Variants in LCP2 observed in about 807,000 individuals in gnomAD.
LCP2 encodes the protein 76 kDa tyrosine phosphoprotein.
A neutral mutation model predicts 74.5 loss-of-function variants in LCP2; 29 were observed. The ratio of observed to expected loss-of-function variants is 0.39; its 90% confidence interval spans 0.29 to 0.53. The LOEUF (loss-of-function observed/expected upper bound fraction) is 0.53, where lower values mean the gene tolerates loss of function less well. Ranked by LOEUF, LCP2 falls within the 20% of genes least tolerant of loss-of-function variation. The pLI is 0.72. For missense variants in LCP2, 604 were observed against 634.6 expected (o/e 0.95, Z 0.52); for synonymous variants, 228 against 229.5 (o/e 0.99, Z 0.06).
rs199766370 is a variant in LCP2 at position 170,258,034 on chromosome 5, A to G, written c.1100+3T>C. ...GCTAGAATTTCATGACAGAGCTACA[A>G]ACCTTTCTGAGAATGCTCCAGGCAT... On this transcript the variant is annotated splice_donor_region_variant and intron_variant, in intron 16 of 20. Transcript: ENST00000046794. The G allele has an allele frequency of 4.1e-4, 668 of 1,613,906 alleles. 4 individuals carry two copies. The highest frequency in any genetic ancestry group is 3.8e-3 in the South Asian group (345 of 91,074).
chr5:170,257,388 T>C (rs781518637), intron 16 of LCP2, among the ~76,000 whole-genome samples: 64 of 152,086 alleles, frequency 4.2e-4, no homozygotes, highest in Non-Finnish European at 2.4e-4. Context: ...ATGAGTCTTG[T>C]GGGTGGTTGA....
At chr5:170,253,310 T>C (rs2113152471) in intron 17 of LCP2, 97 bp from the exon 18 acceptor site, 1 of 753,866 alleles carries the variant, frequency 1.3e-6, no homozygotes, top group Non-Finnish European at 2.2e-6. Context: ...CCCAAAAAAA[T>C]ACCCTTGCGA....
Position 170,268,475 on chromosome 5 carries a change from G to T in LCP2, c.531C>A (p.Pro177=). ...PNSNSMYIDR[P]PSGKTPQQPP... ...GCTGCTGGGGGGTTTTCCCAGAGGG[G>T]GGCCGGTCTGTGGAAACACAAGGTT... Residue 177 remains proline, a synonymous_variant, in exon 8 of 21, where the codon CCC becomes CCA. Coordinates refer to ENST00000046794, the MANE Select transcript of LCP2 (RefSeq NM_005565.5). The T allele has an allele frequency of 3.6e-6, 1 of 276,390 alleles. No homozygotes were observed. The allele number at this position is 276,390 out of a possible 1,614,324, so 17.1% of individuals were successfully genotyped here.
At position 170,247,014 on chromosome 5, in the gene LCP2, G is replaced by C. The variant is rs1462173106; in HGVS notation, c.*1683C>G. The C allele has an allele frequency of 6.6e-6, 1 of 152,220 alleles. No homozygotes were observed. The highest frequency in any genetic ancestry group is 2.4e-5 in the African/African-American group (1 of 41,460). 9.4% of individuals were successfully genotyped at this position (152,220 alleles called of 1,614,324 possible). ...TATAAACATGATTCGCTACCAAATA[G>C]TTGCTTTGAAATCTATCAGGTCCTT... On this transcript the variant is annotated 3_prime_UTR_variant, in exon 21 of 21. Transcript: ENST00000046794.
In LCP2 at chr5:170,274,260, C is replaced by T. The variant is rs1456983767; in HGVS notation, c.324+41G>A. 3.7e-6 allele frequency: 6 copies of T among 1,606,056 alleles called. No individual in the cohort carries two copies. In the African/African-American group the frequency reaches 5.3e-5, roughly 14 times the overall value. ...CTCCTTATCACAAAGCTGCCCTGGA[C>T]ACTGCTGTAAAGGTGCAAGAACAGC... On this transcript the variant is annotated intron_variant, in intron 6 of 20. Transcript: ENST00000046794.
chr5:170,275,903 AG>A, intron 3 of LCP2, 43 bp from the exon 4 acceptor site: 1 of 1,494,316 alleles, frequency 6.7e-7, no homozygotes, highest in Non-Finnish European at 9.1e-7. Context: ...ACCATCACTC[AG>A]TCTCAACCTT....
intron 3 of LCP2, among the ~76,000 whole-genome samples, chr5:170,279,430 G>A (rs533774108): frequency 6.6e-6 from 1 of 152,280 alleles, no homozygotes; most frequent in Admixed American, 6.5e-5. Flanking sequence ...TGTGATCTCA[G>A]ACAAGGCAGC....
chr5:170,276,072 A>T (rs1762002699), intron 3 of LCP2, among the ~76,000 whole-genome samples: 4 of 152,266 alleles, frequency 2.6e-5, no homozygotes, highest in Middle Eastern at 3.4e-3. Flanking sequence ...CCTCCTGCCC[A>T]GGAAGCCCTC....
At chr5:170,264,307 C>T (rs539752682) in intron 10 of LCP2, among the ~76,000 whole-genome samples, 9 of 152,208 alleles carry the variant, frequency 5.9e-5, no homozygotes, top group African/African-American at 1.7e-4. Flanking sequence ...TTTTCTTCTA[C>T]GTTTTTATTT....
chr5:170,277,879 T>G (rs1324946722), intron 3 of LCP2, among the ~76,000 whole-genome samples: 1 of 151,988 alleles, frequency 6.6e-6, no homozygotes, highest in Admixed American at 6.6e-5. Flanking sequence ...AAAGGTTTAC[T>G]CTCTGTAATA....
intron 15 of LCP2, chr5:170,258,507 A>G: frequency 2.9e-6 from 1 of 350,054 alleles, no homozygotes; most frequent in Non-Finnish European, 5.2e-6. Flanking sequence ...TTGTTTTATG[A>G]AAGTCAAAAT....
intron 2 of LCP2, among the ~76,000 whole-genome samples, chr5:170,289,593 T>C (rs1324420492): frequency 6.9e-6 from 1 of 145,422 alleles, no homozygotes; most frequent in African/African-American, 2.6e-5. Flanking sequence ...ACTACTCCTT[T>C]TCTTTCTTTC....
At chr5:170,285,002 C>T (rs1762161115) in intron 3 of LCP2, among the ~76,000 whole-genome samples, 1 of 152,194 alleles carries the variant, frequency 6.6e-6, no homozygotes. Context: ...CCACCCACCT[C>T]AGCCTCCCAA....
intron 2 of LCP2, among the ~76,000 whole-genome samples, chr5:170,289,670 T>TC (rs1491562214): frequency 0.033 from 2,339 of 71,602 alleles, 32 homozygotes; most frequent in Middle Eastern, 0.1. Context: ...TCTTTCTTTC[T>TC]TTCTCTCTCT....
rs183463652 is a variant in LCP2 at position 170,252,488 on chromosome 5, G to A, written c.1269C>T (p.Tyr423=). Residue 423 remains tyrosine, a synonymous_variant, in exon 19 of 21, where the codon TAC becomes TAT. Coordinates refer to ENST00000046794, the MANE Select transcript of LCP2 (RefSeq NM_005565.5). The part of the protein sequence containing the change: ...EEENSLNEEW[Y]VSYITRPEAE... ...CCTCTGGTCGGGTAATATAAGAAACGTACCACTCTTCATTTAATGAATTCT... is the reference window on the plus strand; with the variant it reads ...CCTCTGGTCGGGTAATATAAGAAACATACCACTCTTCATTTAATGAATTCT... 5.3e-5 allele frequency: 83 copies of A among 1,569,962 alleles called. No individual in the cohort carries two copies. The African/African-American group carries it at 7.4e-4, about 14-fold the overall frequency.
At chr5:170,262,603 A>T in intron 13 of LCP2, 32 bp downstream of exon 13, 1 of 1,529,368 alleles carries the variant, frequency 6.5e-7, no homozygotes. Flanking sequence ...GGCCACTGTG[A>T]GTGACAAGCT....
rs1409472156 is a variant in LCP2 at position 170,266,948 on chromosome 5, G to A, written c.689-57C>T. 19 of 1,609,484 alleles carry A rather than the reference G, an allele frequency of 1.2e-5. 1 individual carries two copies. The highest frequency in any genetic ancestry group is 1.6e-5 in the Non-Finnish European group (19 of 1,175,910). On this transcript the variant is annotated intron_variant, in intron 9 of 20. Coordinates refer to ENST00000046794, the MANE Select transcript of LCP2 (RefSeq NM_005565.5). ...AGAAGAAAGCAGTCGGCTGGGGGTTGGGCGGGGCTAGGGGAGTGCCTGGTG... is the reference window on the plus strand; with the variant it reads ...AGAAGAAAGCAGTCGGCTGGGGGTTAGGCGGGGCTAGGGGAGTGCCTGGTG...
intron 3 of LCP2, among the ~76,000 whole-genome samples, chr5:170,277,652 G>A (rs943102705): frequency 6.7e-6 from 1 of 150,086 alleles, no homozygotes; most frequent in Non-Finnish European, 1.5e-5. Context: ...GCTGAGGCAG[G>A]AGAACCACTT....
intron 3 of LCP2, among the ~76,000 whole-genome samples, chr5:170,285,729 G>T (rs191156116): frequency 6.6e-6 from 1 of 152,254 alleles, no homozygotes; most frequent in Non-Finnish European, 1.5e-5. Context: ...AATACTGTTG[G>T]GTAGTTCTTT....
Sources: gnomAD v4.1 joint callset for allele counts (sites outside exome capture counted in the v4.1 genomes callset) on GRCh38, gnomAD v4.1.1 for gene constraint, MANE v1.5 for transcripts, NCBI Gene and HGNC (gene_info 2026-07-23, HGNC 2026-07-21) for gene names.